NECAB2: variants seen among roughly 807,000 people sequenced by gnomAD.
The protein encoded by NECAB2 is N-terminal EF-hand calcium-binding protein 2.
NECAB2 carries 68 observed loss-of-function variants against 51.9 expected under a neutral mutation model. The ratio of observed to expected loss-of-function variants is 1.31; its 90% CI spans 1.08 to 1.60. NECAB2 has a LOEUF of 1.60. Among genes scored for constraint, NECAB2 ranks in the 40% most tolerant of loss-of-function variants. NECAB2 has a pLI of 0.00. For synonymous variants in NECAB2, 329 were observed against 203.5 expected (o/e 1.62, Z -5.25); for missense variants, 854 against 490.3 (o/e 1.74, Z -7.00).
chr16:84,001,797 CT>C (rs1274384884), intron 11 of NECAB2, 27 bp from the exon 12 acceptor site: 4 of 1,612,782 alleles, frequency 2.5e-6, no homozygotes, highest in Non-Finnish European at 3.4e-6. Context: ...CCTGCCACCC[CT>C]GACTCACACA....
Position 83,972,161 on chromosome 16 carries a change from G to A in NECAB2, c.212G>A (p.Arg71His), listed in dbSNP as rs773422338. 4.3e-6 allele frequency: 7 copies of A among 1,613,460 alleles called. No individual in the cohort carries two copies. Among genetic ancestry groups the A allele is most frequent in the Non-Finnish European group, 5.9e-6 (7 of 1,180,026 alleles). ...GTAVILDIFR[R>H]ADKNDDGKLS... is the part of the protein sequence containing the mutation. ...CTCTCTTTTCTGCAGATTTTCCGCC[G>A]TGCGGACAAAAATGGTGAGTTTCCC... The change falls in exon 2 of 13, where the codon CGT becomes CAT. Residue 71 changes from arginine to histidine, a missense_variant. Arg to His is a conservative substitution (Grantham distance 29, BLOSUM62 0). Transcript: ENST00000305202.
At chr16:83,976,942 T>G (rs371779059) in intron 2 of NECAB2, among the ~76,000 whole-genome samples, 4 of 152,226 alleles carry the variant, frequency 2.6e-5, no homozygotes, top group Non-Finnish European at 5.9e-5. Context: ...TGACTCATTC[T>G]CAACCCAAGT....
Position 84,002,310 on chromosome 16 carries a change from C to T in NECAB2, c.1133-8C>T, listed in dbSNP as rs1191097233. The T allele has an allele frequency of 6.2e-7, 1 of 1,613,890 alleles. No individual in the cohort carries two copies. The highest frequency in any genetic ancestry group is 8.5e-7 in the Non-Finnish European group (1 of 1,179,866). ...CTCCTTCCCTCTAACGTGTCTCTCT[C>T]CTTTTAGCTGCTTGGTGCACGGTGG... On this transcript the variant is annotated splice_region_variant and splice_polypyrimidine_tract_variant and intron_variant, in intron 12 of 12. Coordinates refer to ENST00000305202, the MANE Select transcript of NECAB2 (RefSeq NM_019065.3).
At chr16:83,995,303 A>G (rs767592368) in intron 8 of NECAB2, among the ~76,000 whole-genome samples, 1 of 152,190 alleles carries the variant, frequency 6.6e-6, no homozygotes, top group Non-Finnish European at 1.5e-5. Flanking sequence ...GGTATCAGTC[A>G]GAATTCTGGT....
chr16:83,994,172 G>T, intron 6 of NECAB2, 130 bp from the exon 7 acceptor site: 1 of 810,672 alleles, frequency 1.2e-6, no homozygotes, highest in African/African-American at 1.7e-5. Context: ...CAAAACAAAG[G>T]CCATGATGCA....
chr16:83,999,074 T>G (rs1466754856), intron 10 of NECAB2, among the ~76,000 whole-genome samples: 5 of 152,178 alleles, frequency 3.3e-5, no homozygotes, highest in Non-Finnish European at 7.4e-5. Context: ...CCTGGGGACA[T>G]GGCTGTGAAC....
chr16:83,995,878 G>T (rs897007679), intron 8 of NECAB2, among the ~76,000 whole-genome samples: 2 of 152,314 alleles, frequency 1.3e-5, no homozygotes, highest in African/African-American at 4.8e-5. Flanking sequence ...GGGACCCCGT[G>T]GCCCGGTTGT....
chr16:83,975,784 C>T (rs1385028242), intron 2 of NECAB2, among the ~76,000 whole-genome samples: 1 of 152,106 alleles, frequency 6.6e-6, no homozygotes, highest in Admixed American at 6.5e-5. Flanking sequence ...GTCATGGAGA[C>T]AGAGAGTGAG....
chr16:83,982,507 T>G (rs1456854054), intron 5 of NECAB2, among the ~76,000 whole-genome samples: 1 of 152,180 alleles, frequency 6.6e-6, no homozygotes, highest in African/African-American at 2.4e-5. Context: ...CAATGCCAGC[T>G]CTGCTCCAAA....
chr16:83,993,247 C>G (rs182188220), intron 6 of NECAB2, among the ~76,000 whole-genome samples: 2 of 152,190 alleles, frequency 1.3e-5, no homozygotes, highest in African/African-American at 4.8e-5. Flanking sequence ...CCCTGAGCAA[C>G]CCGTCATGGT....
intron 5 of NECAB2, among the ~76,000 whole-genome samples, chr16:83,987,606 A>AT (rs11389855): frequency 0.13 from 20,215 of 151,964 alleles, 2,571 homozygotes; most frequent in African/African-American, 0.34. Context: ...CTTTTACCTA[A>AT]TTTTTTAACA....
At chr16:83,982,747 C>G (rs1236918131) in intron 5 of NECAB2, among the ~76,000 whole-genome samples, 2 of 152,142 alleles carry the variant, frequency 1.3e-5, no homozygotes, top group Admixed American at 6.5e-5. Flanking sequence ...AGATCTTGCT[C>G]TTGGAAGTCA....
intron 5 of NECAB2, among the ~76,000 whole-genome samples, chr16:83,985,051 G>T (rs926773238): frequency 6.6e-6 from 1 of 151,712 alleles, no homozygotes; most frequent in Admixed American, 6.6e-5. Flanking sequence ...AGTGGCTCAC[G>T]CCTGTTATCC....
chr16:83,988,872 C>T (rs1294364255), intron 5 of NECAB2, among the ~76,000 whole-genome samples: 2 of 152,116 alleles, frequency 1.3e-5, no homozygotes, highest in Non-Finnish European at 2.9e-5. Flanking sequence ...CAAATAGGCA[C>T]GTGTACCCCT....
intron 12 of NECAB2, among the ~76,000 whole-genome samples, 192 bp from the exon 13 acceptor site, chr16:84,002,126 G>A (rs5012588): frequency 0.016 from 2,438 of 152,110 alleles, 56 homozygotes; most frequent in African/African-American, 0.053. Flanking sequence ...CCCCCTCCAC[G>A]GCCCCCTACT....
rs761881459 is a variant in NECAB2 at position 83,994,642 on chromosome 16, C to G, written c.749C>G (p.Ala250Gly). ...GATGCAAAGGAAGAGGGTCTGGAAG[C>G]CCAGATCAGCCGCTTGGCAGAGCTG... ...TEDAKEEGLEAQISRLAELIG... is the reference protein window; with the variant it reads ...TEDAKEEGLEGQISRLAELIG... The change falls in exon 8 of 13, where the codon GCC (alanine) becomes GGC (glycine). Residue 250 changes from alanine (A) to glycine (G), a missense_variant. Transcript: ENST00000305202. The G allele has an allele frequency of 1.2e-6, 2 of 1,614,114 alleles. No individual in the cohort carries two copies. Among genetic ancestry groups the G allele is most frequent in the African/African-American group, 2.7e-5 (2 of 75,056 alleles).
Position 84,002,446 on chromosome 16 carries a change from T to A in NECAB2, c.*100T>A, listed in dbSNP as rs919436275. On this transcript the variant is annotated 3_prime_UTR_variant, in exon 13 of 13. Transcript: ENST00000305202. Reference sequence around the variant, plus strand: ...AGACACTTTGGTGCAGAAGCTTCTTTTCAATCCATCCTCCACAAGAAGGTG... The same window carrying A: ...AGACACTTTGGTGCAGAAGCTTCTTATCAATCCATCCTCCACAAGAAGGTG... The A allele has an allele frequency of 1.2e-5, 17 of 1,440,104 alleles. No homozygotes were observed. The highest frequency in any genetic ancestry group is 1.6e-5 in the Non-Finnish European group (16 of 1,028,804). 89.2% of individuals were successfully genotyped at this position (1,440,104 alleles called of 1,614,324 possible). A position where few individuals can be genotyped will look rare whatever the true frequency, so the allele number is the denominator to read the frequency against.
Position 83,980,840 on chromosome 16 carries a change from C to G in NECAB2, c.337C>G (p.His113Asp). ...CTCTGCCTCTGTCTGTCTCTGCAGC[C>G]ATGTGGACACCAAGGAGCTGTGTGG... Reference protein sequence around the residue: ...FHTIDSDNTNHVDTKELCDYF... With the variant: ...FHTIDSDNTNDVDTKELCDYF... Residue 113 changes from histidine to aspartate, a missense_variant and splice_region_variant, in exon 4 of 13, where the codon CAT (histidine) becomes GAT (aspartate). Transcript: ENST00000305202. 6.3e-7 allele frequency: 1 copy of G among 1,590,170 alleles called. No homozygotes were observed.
intron 6 of NECAB2, among the ~76,000 whole-genome samples, chr16:83,992,230 C>T (rs930111405): frequency 1.4e-5 from 2 of 146,486 alleles, no homozygotes; most frequent in African/African-American, 2.7e-5. Context: ...TGTGTTAGGC[C>T]TTGTTTGTGT....
Sources: gnomAD v4.1 joint callset for allele counts (sites outside exome capture counted in the v4.1 genomes callset) on GRCh38, gnomAD v4.1.1 for gene constraint, MANE v1.5 for transcripts, NCBI Gene and HGNC (gene_info 2026-07-23, HGNC 2026-07-21) for gene names.